ZDHHC2: variants seen among roughly 807,000 people sequenced by gnomAD.
The protein encoded by ZDHHC2 is palmitoyltransferase ZDHHC2.
ZDHHC2 carries 51 observed loss-of-function variants against 55.6 expected under a neutral mutation model. The ratio of observed to expected loss-of-function variants is 0.92; its 90% CI spans 0.73 to 1.16. ZDHHC2 has a LOEUF of 1.16. Ranked by LOEUF, ZDHHC2 falls within the 50% of genes most tolerant of loss-of-function variation. The pLI, the probability that ZDHHC2 is intolerant of heterozygous loss-of-function variation, is 0.00. For synonymous variants in ZDHHC2, 199 were observed against 152.9 expected, an observed-to-expected ratio of 1.30 and a Z score of -2.22; for missense variants, 491 against 442.4, an observed-to-expected ratio of 1.11 and a Z score of -0.99.
At chr8:17,161,447 G>C (rs1297681304) in intron 1 of ZDHHC2, among the ~76,000 whole-genome samples, 1 of 152,140 alleles carries the variant, frequency 6.6e-6, no homozygotes, top group Non-Finnish European at 1.5e-5. Flanking sequence ...TGCAGTTTTT[G>C]CCATTAGTTG....
At chr8:17,220,165 G>C (rs1001377202) in intron 12 of ZDHHC2, 91 bp from the exon 13 acceptor site, 2 of 152,168 alleles carry the variant, frequency 1.3e-5, no homozygotes, top group African/African-American at 4.8e-5. Flanking sequence ...TTGAATGAGG[G>C]ATATTATTGA....
intron 6 of ZDHHC2, among the ~76,000 whole-genome samples, chr8:17,199,002 T>C (rs2150926779): frequency 6.6e-6 from 1 of 152,284 alleles, no homozygotes; most frequent in South Asian, 2.1e-4. Flanking sequence ...TTCCTTTTCC[T>C]ATAATTTTTC....
chr8:17,186,387 A>G lies in ZDHHC2; in HGVS notation c.214A>G (p.Lys72Glu). The change falls in exon 3 of 13, where the codon AAA becomes GAA. Residue 72 changes from lysine (K) to glutamate (E), a missense_variant. Lys to Glu is a moderately conservative substitution (Grantham distance 56). Coordinates refer to ENST00000262096, the MANE Select transcript of ZDHHC2 (RefSeq NM_016353.5). The part of the protein sequence containing the change: ...LFAMFVWSYW[K>E]TIFTLPMNPS... ...TGCAATGTTTGTCTGGTCATACTGG[A>G]AAACTATCTTTACATTACCAATGAA... The G allele has an allele frequency of 5.0e-6, 8 of 1,587,624 alleles. No homozygotes were observed. Among genetic ancestry groups the G allele is most frequent in the Non-Finnish European group, 6.8e-6 (8 of 1,171,178 alleles).
In ZDHHC2 at chr8:17,191,678, T is replaced by C. The variant is rs144834428; in HGVS notation, c.253-3826T>C. 5.1e-4 allele frequency among the ~76,000 whole-genome samples: 78 copies of C among 152,328 alleles called. 1 individual carries two copies. The East Asian group carries it at 0.014, about 26-fold the overall frequency. Reference sequence around the variant, plus strand: ...TTGTTTTGTGGCTGAATATATTCCATTGTGTAAGTAAACACCACATTTTCA... The same window carrying C: ...TTGTTTTGTGGCTGAATATATTCCACTGTGTAAGTAAACACCACATTTTCA... On this transcript the variant is annotated intron_variant, in intron 3 of 12. Coordinates refer to ENST00000262096, the MANE Select transcript of ZDHHC2 (RefSeq NM_016353.5).
intron 6 of ZDHHC2, among the ~76,000 whole-genome samples, chr8:17,202,621 G>A (rs1025528660): frequency 2.0e-5 from 3 of 151,922 alleles, no homozygotes; most frequent in African/African-American, 7.3e-5. Flanking sequence ...TTTATATTGA[G>A]TCTATAAAGC....
At chr8:17,174,721 T>C (rs1279855954) in intron 1 of ZDHHC2, among the ~76,000 whole-genome samples, 3 of 145,810 alleles carry the variant, frequency 2.1e-5, no homozygotes, top group Non-Finnish European at 4.5e-5. Context: ...TTTTTTTTTT[T>C]TTTTTTTGAG....
chr8:17,187,683 C>T (rs946453470), intron 3 of ZDHHC2, among the ~76,000 whole-genome samples: 2 of 152,178 alleles, frequency 1.3e-5, no homozygotes, highest in Non-Finnish European at 1.5e-5. Flanking sequence ...TACCCTCATC[C>T]TGTCCCTAGT....
chr8:17,163,577 T>G (rs758394075), intron 1 of ZDHHC2, among the ~76,000 whole-genome samples: 4 of 152,206 alleles, frequency 2.6e-5, no homozygotes, highest in Non-Finnish European at 5.9e-5. Flanking sequence ...TATACTTACA[T>G]TTCATAATTT....
intron 1 of ZDHHC2, among the ~76,000 whole-genome samples, chr8:17,167,984 T>A (rs887856682): frequency 7.2e-5 from 11 of 152,208 alleles, no homozygotes; most frequent in Admixed American, 7.2e-4. Flanking sequence ...CTTTTTAGAT[T>A]TAAAAAGACC....
chr8:17,213,931 G>A (rs73669037), intron 10 of ZDHHC2, among the ~76,000 whole-genome samples: 1 of 152,028 alleles, frequency 6.6e-6, no homozygotes, highest in Non-Finnish European at 1.5e-5. Context: ...AATTTTAGTA[G>A]GTAGTTGTTA....
At chr8:17,169,157 A>G (rs1179295524) in intron 1 of ZDHHC2, among the ~76,000 whole-genome samples, 2 of 151,814 alleles carry the variant, frequency 1.3e-5, no homozygotes, top group Non-Finnish European at 2.9e-5. Flanking sequence ...AGAAGCCTGT[A>G]TATGCCCTTG....
At chr8:17,197,219 T>C (rs1320013647) in intron 4 of ZDHHC2, among the ~76,000 whole-genome samples, 1 of 152,220 alleles carries the variant, frequency 6.6e-6, no homozygotes. Context: ...TTAAAACTTT[T>C]TTTGATAAAT....
At chr8:17,197,295 A>G (rs1806366519) in intron 4 of ZDHHC2, among the ~76,000 whole-genome samples, 1 of 152,158 alleles carries the variant, frequency 6.6e-6, no homozygotes, top group African/African-American at 2.4e-5. Context: ...ATTAACATGG[A>G]CATATTTGTA....
At chr8:17,166,825 A>G (rs1240003741) in intron 1 of ZDHHC2, among the ~76,000 whole-genome samples, 5 of 152,156 alleles carry the variant, frequency 3.3e-5, no homozygotes, top group African/African-American at 4.8e-5. Flanking sequence ...TGAGAATTTA[A>G]CAATGTGCAC....
At chr8:17,204,755 C>G (rs1198324175) in intron 6 of ZDHHC2, among the ~76,000 whole-genome samples, 1 of 152,008 alleles carries the variant, frequency 6.6e-6, no homozygotes, top group Non-Finnish European at 1.5e-5. Context: ...CAACAGACCC[C>G]CACAACTCAC....
chr8:17,201,798 G>A, intron 6 of ZDHHC2, among the ~76,000 whole-genome samples: 1 of 151,696 alleles, frequency 6.6e-6, no homozygotes, highest in East Asian at 1.9e-4. Context: ...GCCCGGCCAG[G>A]GCAGCTTTTT....
chr8:17,176,378 C>T (rs1181882817), intron 1 of ZDHHC2, among the ~76,000 whole-genome samples: 1 of 151,816 alleles, frequency 6.6e-6, no homozygotes, highest in Non-Finnish European at 1.5e-5. Context: ...CTTATCTGTC[C>T]TTGACAAAGC....
At chr8:17,201,567 A>C (rs1417005321) in intron 6 of ZDHHC2, among the ~76,000 whole-genome samples, 3 of 127,210 alleles carry the variant, frequency 2.4e-5, no homozygotes, top group Middle Eastern at 5.6e-3. Flanking sequence ...ATCTTGGCTC[A>C]CTGCAAGCTC....
At chr8:17,213,735 G>A (rs1186804614) in intron 10 of ZDHHC2, among the ~76,000 whole-genome samples, 1 of 152,162 alleles carries the variant, frequency 6.6e-6, no homozygotes, top group African/African-American at 2.4e-5. Context: ...CTTTGCTAGA[G>A]TCCTGTTAGC....
Sources: allele counts gnomAD v4.1 joint callset (sites outside exome capture counted in the v4.1 genomes callset), GRCh38; gene constraint gnomAD v4.1.1; transcripts MANE v1.5; gene names NCBI Gene and HGNC (gene_info 2026-07-23, HGNC 2026-07-21).